Variants in ETS2 observed in about 807,000 individuals in gnomAD.
ETS2 encodes ETS proto-oncogene 2, transcription factor, also known as protein C-ets-2.
Under a neutral mutation model 54.9 loss-of-function variants are expected in ETS2, and 19 were observed. That is an observed-to-expected ratio of 0.35 (90% CI 0.24 to 0.51). ETS2 has a LOEUF of 0.51. ETS2 is among the 20% of genes least tolerant of loss of function. The pLI is 0.97. For missense variants in ETS2, 417 were observed against 593.0 expected (o/e 0.70, Z 3.08); for synonymous variants, 219 against 229.3 (o/e 0.95, Z 0.41).
chr21:38,809,915 TC>T, intron 1 of ETS2, 119 bp from the exon 2 acceptor site: 1 of 629,314 alleles, frequency 1.6e-6, no homozygotes, highest in Non-Finnish European at 2.7e-6. Flanking sequence ...TTCCCTGCAT[TC>T]ACTTTTGAAT....
At position 38,806,178 on chromosome 21, in the gene ETS2, A is replaced by G; in HGVS notation, c.-1+58A>G. 1 of 993,814 alleles carries G rather than the reference A, an allele frequency of 1.0e-6. No individual in the cohort carries two copies. 61.6% of individuals were successfully genotyped at this position (993,814 alleles called of 1,614,324 possible). On this transcript the variant is annotated intron_variant, in intron 1 of 9. Coordinates refer to ENST00000360938, the MANE Select transcript of ETS2 (RefSeq NM_005239.6). This position sits in a 1 kb window ranked among gnomAD's most constrained non-coding sequence, Gnocchi z 4.3. ...CGCGGCTCCAGTCCCATGGAGGGTC[A>G]CCCGGGGCCTGGGCGGGGGTCGCGG...
At chr21:38,811,347 C>G (rs1366047872) in intron 2 of ETS2, among the ~76,000 whole-genome samples, 1 of 152,202 alleles carries the variant, frequency 6.6e-6, no homozygotes, top group Non-Finnish European at 1.5e-5. Flanking sequence ...CCTGATTGAT[C>G]GGTTTTCCTC....
chr21:38,807,282 TTTTG>T (rs1301828989), intron 1 of ETS2, among the ~76,000 whole-genome samples: 7 of 152,232 alleles, frequency 4.6e-5, no homozygotes, highest in African/African-American at 1.2e-4. Flanking sequence ...TGTTTCTTTT[TTTTG>T]TTTGTTTTCA....
chr21:38,809,839 C>A (rs2060907096), intron 1 of ETS2, 196 bp from the exon 2 acceptor site: 1 of 507,384 alleles, frequency 2.0e-6, no homozygotes, highest in Non-Finnish European at 3.5e-6. Flanking sequence ...AACAGCATAT[C>A]CCATTGTGAT....
rs142580412 is a variant in ETS2, at chr21:38,808,855, A to G, written c.1-1180A>G. Among the ~76,000 whole-genome samples the G allele has an allele frequency of 2.0e-5, 3 of 152,382 alleles. No homozygotes were observed. The East Asian group carries it at 5.8e-4, about 29-fold the overall frequency. The stretch of plus-strand genomic sequence containing the variant: ...GAGCTAGGCTTAGAGCTTTGCCACC[A>G]GCCTTCAGTTCCATAGCCATGAACC... On this transcript the variant is annotated intron_variant, in intron 1 of 9. Coordinates refer to ENST00000360938, the MANE Select transcript of ETS2 (RefSeq NM_005239.6).
upstream of ETS2, chr21:38,805,493 G>T: frequency 3.9e-6 from 5 of 1,288,066 alleles, no homozygotes; most frequent in Non-Finnish European, 5.1e-6. The surrounding 1 kb of genome is among the most constrained non-coding windows in gnomAD (Gnocchi z 5.2). Flanking sequence ...GCGCTCCACG[G>T]AAAGTCTCCG....
chr21:38,821,919 G>A lies in ETS2; in HGVS notation c.1194+215G>A, dbSNP rs1475228196. On this transcript the variant is annotated intron_variant, in intron 9 of 9. Transcript: ENST00000360938. The surrounding 1 kb of genome is among the most constrained non-coding windows in gnomAD (Gnocchi z 4.2). ...TTCTGGGTATGCTTCATACAAGGGC[G>A]TTGCACAGATTTCACTGTCTTGATC... Among the ~76,000 whole-genome samples the A allele has an allele frequency of 1.3e-5, 2 of 152,186 alleles. No homozygotes were observed. Among genetic ancestry groups the A allele is most frequent in the African/African-American group, 2.4e-5 (1 of 41,446 alleles).
Position 38,817,110 on chromosome 21 carries a change from G to T in ETS2, c.589+19G>T. On this transcript the variant is annotated intron_variant, in intron 6 of 9. Transcript: ENST00000360938. ...ACATTAGGTCAGTCCGATTGATTCTGCCCTTAAGAACTTTGTCTTCAGTCT... is the reference window on the plus strand; with the variant it reads ...ACATTAGGTCAGTCCGATTGATTCTTCCCTTAAGAACTTTGTCTTCAGTCT... The T allele has an allele frequency of 6.6e-7, 1 of 1,521,462 alleles. No individual in the cohort carries two copies. The highest frequency in any genetic ancestry group is 1.7e-4 in the Middle Eastern group (1 of 5,864). 94.2% of individuals were successfully genotyped at this position (1,521,462 alleles called of 1,614,324 possible).
intron 7 of ETS2, 97 bp from the exon 8 acceptor site, chr21:38,819,406 C>T (rs1253601918): frequency 9.1e-7 from 1 of 1,101,054 alleles, no homozygotes. Flanking sequence ...CCAGCAGGTG[C>T]ATGATTGCAC....
In ETS2 at chr21:38,819,535, G is replaced by T; in HGVS notation, c.844G>T (p.Gly282Cys). 2 of 1,614,186 alleles carry T rather than the reference G, an allele frequency of 1.2e-6. No individual in the cohort carries two copies. The highest frequency in any genetic ancestry group is 2.2e-5 in the South Asian group (2 of 91,090). ...TPKDHDSPEN[G>C]ADSFESSDSL... ...CAAAGACCACGACTCCCCTGAGAAC[G>T]GTGCGGACAGCTTCGAGAGCTCAGA... The change falls in exon 8 of 10, where the codon GGT (glycine) becomes TGT (cysteine). Residue 282 changes from glycine to cysteine, a missense_variant. Around this residue, in one of 3 missense-constraint regions of ETS2, gnomAD observed 326 missense variants for 426.1 expected, o/e 0.76. Transcript: ENST00000360938.
chr21:38,808,246 G>A (rs1305177383), intron 1 of ETS2, among the ~76,000 whole-genome samples: 13 of 152,218 alleles, frequency 8.5e-5, no homozygotes, highest in Admixed American at 8.5e-4. Context: ...TCTCAGGGAT[G>A]CAGGAAGATT....
chr21:38,813,758 A>G (rs2060922380), intron 3 of ETS2, among the ~76,000 whole-genome samples: 1 of 152,256 alleles, frequency 6.6e-6, no homozygotes, highest in Non-Finnish European at 1.5e-5. Context: ...ATAACCCTGC[A>G]TGGCAGCCAT....
At chr21:38,810,850 T>A (rs555270831) in intron 2 of ETS2, among the ~76,000 whole-genome samples, 1 of 152,350 alleles carries the variant, frequency 6.6e-6, no homozygotes, top group Non-Finnish European at 1.5e-5. Flanking sequence ...CTCTGGCATA[T>A]TACATTTTCC....
intron 7 of ETS2, 113 bp downstream of exon 7, chr21:38,818,759 C>A: frequency 1.6e-6 from 2 of 1,231,262 alleles, no homozygotes; most frequent in Non-Finnish European, 2.3e-6. Context: ...AGAAGGGGGT[C>A]AAAGCCCATG....
At chr21:38,812,738 A>T (rs2060918429) in intron 2 of ETS2, among the ~76,000 whole-genome samples, 1 of 151,268 alleles carries the variant, frequency 6.6e-6, no homozygotes, top group Non-Finnish European at 1.5e-5. Flanking sequence ...CCAAGATTGC[A>T]CCACTGCACT....
At chr21:38,819,830 C>A in intron 8 of ETS2, 64 bp downstream of exon 8, 2 of 1,501,648 alleles carry the variant, frequency 1.3e-6, no homozygotes, top group Non-Finnish European at 1.8e-6. Context: ...TGCTTCCTTT[C>A]GAGCCACAGT....
At chr21:38,817,563 C>T (rs1407227545) in intron 6 of ETS2, among the ~76,000 whole-genome samples, 2 of 152,184 alleles carry the variant, frequency 1.3e-5, no homozygotes, top group Non-Finnish European at 2.9e-5. Context: ...AGCTGATTAC[C>T]GCAGTCACCA....
upstream of ETS2, chr21:38,805,917 G>C (rs920188286): frequency 7.7e-5 from 96 of 1,245,210 alleles, 2 homozygotes; most frequent in Middle Eastern, 9.2e-4. This position sits in a 1 kb window ranked among gnomAD's most constrained non-coding sequence, Gnocchi z 5.2. Flanking sequence ...CGCGCCGCGT[G>C]GGGGACGGCC....
At chr21:38,819,474 C>G in intron 7 of ETS2, 29 bp from the exon 8 acceptor site, 1 of 1,610,544 alleles carries the variant, frequency 6.2e-7, no homozygotes, top group South Asian at 1.1e-5. Context: ...CTGGAGGAAT[C>G]AAAGTATGTG....
Sources: gnomAD v4.1 joint callset for allele counts (sites outside exome capture counted in the v4.1 genomes callset) on GRCh38, gnomAD v4.1.1 for gene constraint, gnomAD v4.1.1 regional missense constraint, Gnocchi (gnomAD v3.1) non-coding constraint, MANE v1.5 for transcripts, NCBI Gene and HGNC (gene_info 2026-07-23, HGNC 2026-07-21) for gene names.